The following USP6 variants were observed in gnomAD, a reference collection of about 807,000 sequenced individuals.
USP6 encodes the protein ubiquitin carboxyl-terminal hydrolase 6.
In USP6, 128 loss-of-function variants were observed where a neutral mutation model predicts 175.7. That is an observed-to-expected ratio of 0.73 (90% CI 0.63 to 0.84). The LOEUF (loss-of-function observed/expected upper bound fraction) is 0.84. USP6 is among the 40% of genes least tolerant of loss of function. The pLI is 0.00. For synonymous variants in USP6, 562 were observed against 630.6 expected (o/e 0.89, Z 1.63); for missense variants, 1,498 against 1,760.3 (o/e 0.85, Z 2.67).
At position 5,116,759 on chromosome 17, in the gene USP6, T is replaced by A. The variant is rs1264398169; in HGVS notation, c.-1928+19T>A. 6.6e-6 allele frequency: 1 copy of A among 152,258 alleles called. No individual in the cohort carries two copies. Among genetic ancestry groups the A allele is most frequent in the Non-Finnish European group, 1.5e-5 (1 of 68,058 alleles). 9.4% of individuals were successfully genotyped at this position (152,258 alleles called of 1,614,324 possible). A position where few individuals can be genotyped will look rare whatever the true frequency, so the allele number is the denominator to read the frequency against. On this transcript the variant is annotated intron_variant, in intron 1 of 37. Coordinates refer to ENST00000574788, the MANE Select transcript of USP6 (RefSeq NM_001304284.2). ...ACTAGTTGTGAGTCTTTGGGCAAAT[T>A]TGCCTTTCTAGAGCGTAGTTTCTTA...
chr17:5,162,313 AG>A (rs2074019987), intron 32 of USP6, among the ~76,000 whole-genome samples: 1 of 151,890 alleles, frequency 6.6e-6, no homozygotes, highest in Non-Finnish European at 1.5e-5. Flanking sequence ...CACTGTACCC[AG>A]CTAATTTCTG....
Position 5,161,479 on chromosome 17 carries a change from C to T in USP6, c.2829-49C>T, listed in dbSNP as rs775842873. 1.2e-5 allele frequency: 19 copies of T among 1,596,492 alleles called. No homozygotes were observed. In the African/African-American group the frequency reaches 1.3e-4, roughly 11 times the overall value. The stretch of plus-strand genomic sequence containing the variant: ...AAGAGAAGATGAAAAGGAGTTGGAC[C>T]TCGAACCAGAAATGCTTCTTACACT... On this transcript the variant is annotated intron_variant, in intron 31 of 37. Transcript: ENST00000574788.
At chr17:5,131,006 A>G (rs1272566354) in intron 11 of USP6, among the ~76,000 whole-genome samples, 1 of 152,204 alleles carries the variant, frequency 6.6e-6, no homozygotes, top group Non-Finnish European at 1.5e-5. Flanking sequence ...CTACCAGGAG[A>G]CAACCCCAGT....
chr17:5,168,383 G>A (rs2074140254), intron 34 of USP6, among the ~76,000 whole-genome samples: 2 of 152,226 alleles, frequency 1.3e-5, no homozygotes, highest in East Asian at 3.8e-4. Context: ...AGTGCGATGT[G>A]AGAACTGCCA....
chr17:5,120,007 G>T (rs1279816969), intron 2 of USP6, among the ~76,000 whole-genome samples: 1 of 152,032 alleles, frequency 6.6e-6, no homozygotes, highest in African/African-American at 2.4e-5. Flanking sequence ...TCAACCCAAG[G>T]ATAGAGATCC....
In USP6 at chr17:5,130,660, G is replaced by A. The variant is rs757415174; in HGVS notation, c.131G>A (p.Ser44Asn). Reference protein sequence around the residue: ...KGPEPVGINSSIDRFGILHET... With the variant: ...KGPEPVGINSNIDRFGILHET... Reference sequence around the variant, plus strand: ...CCTGAGCCCGTTGGAATCAACAGCAGCATTGATCGTTTTGGCATTTTGCAG... The same window carrying A: ...CCTGAGCCCGTTGGAATCAACAGCAACATTGATCGTTTTGGCATTTTGCAG... The change falls in exon 11 of 38, where the codon AGC becomes AAC. Residue 44 changes from serine (S) to asparagine (N), a missense_variant. Ser to Asn is a conservative substitution (Grantham distance 46). Transcript: ENST00000574788. 1 of 1,614,020 alleles carries A rather than the reference G, an allele frequency of 6.2e-7. No individual in the cohort carries two copies. The highest frequency in any genetic ancestry group is 1.1e-5 in the South Asian group (1 of 91,080).
At chr17:5,167,902 C>A in intron 33 of USP6, 30 bp from the exon 34 acceptor site, 1 of 1,591,784 alleles carries the variant, frequency 6.3e-7, no homozygotes, top group Non-Finnish European at 8.6e-7. Context: ...TTCCCACACA[C>A]CCCTTTCCTC....
At chr17:5,119,718 A>G (rs767811286) in intron 2 of USP6, among the ~76,000 whole-genome samples, 17 of 152,188 alleles carry the variant, frequency 1.1e-4, no homozygotes, top group Non-Finnish European at 2.4e-4. Context: ...TAATTATTAT[A>G]ATTAATTATA....
rs888135220 is a variant in USP6 at position 5,116,658 on chromosome 17, C to T, written c.-2010C>T. On this transcript the variant is annotated 5_prime_UTR_variant, in exon 1 of 38. Transcript: ENST00000574788. ...TACGTGAGGCCTGAACAGGAAGGAA[C>T]TGGGAGACCCAAGACTGTACCGCCA... 6.6e-6 allele frequency: 1 copy of T among 152,280 alleles called. No homozygotes were observed. The highest frequency in any genetic ancestry group is 2.4e-5 in the African/African-American group (1 of 41,462). 9.4% of individuals were successfully genotyped at this position (152,280 alleles called of 1,614,324 possible). A position where few individuals can be genotyped will look rare whatever the true frequency, so the allele number is the denominator to read the frequency against.
In USP6 at chr17:5,174,053, G is replaced by A; in HGVS notation, c.*1075G>A. The A allele has an allele frequency of 4.8e-6, 1 of 208,680 alleles. No individual in the cohort carries two copies. The allele number at this position is 208,680 out of a possible 1,614,324, so 12.9% of individuals were successfully genotyped here. ...TTCATAAGTATATTTAATGAAATTG[G>A]TGGTTTTAGGAAGTCAACTTTAGTT... On this transcript the variant is annotated 3_prime_UTR_variant, in exon 38 of 38. Coordinates refer to ENST00000574788, the MANE Select transcript of USP6 (RefSeq NM_001304284.2).
intron 4 of USP6, among the ~76,000 whole-genome samples, chr17:5,123,287 C>G (rs1026889603): frequency 2.0e-5 from 3 of 152,016 alleles, no homozygotes; most frequent in African/African-American, 7.2e-5. Context: ...GTCGCCTTTT[C>G]CCCGCACCGC....
In USP6 at chr17:5,170,822, T is replaced by C; in HGVS notation, c.3861T>C (p.Asn1287=). The C allele has an allele frequency of 1.2e-6, 2 of 1,613,374 alleles. No homozygotes were observed. Among genetic ancestry groups the C allele is most frequent in the Non-Finnish European group, 1.7e-6 (2 of 1,179,878 alleles). Reference sequence around the variant, plus strand: ...ATGGCTGTGGCGATGGCTACAGCAATGGTCAGCTTGGAAACCACAGTGAAG... The same window carrying C: ...ATGGCTGTGGCGATGGCTACAGCAACGGTCAGCTTGGAAACCACAGTGAAG... ...CGNGCGDGYS[N]GQLGNHSEED... The change falls in exon 36 of 38, where the codon AAT becomes AAC. Residue 1287 remains asparagine, a synonymous_variant. Transcript: ENST00000574788.
intron 31 of USP6, among the ~76,000 whole-genome samples, chr17:5,158,154 G>A (rs1598079251): frequency 6.6e-6 from 1 of 152,144 alleles, no homozygotes; most frequent in South Asian, 2.1e-4. Context: ...GAGACCAGAT[G>A]ATTAACATTT....
intron 21 of USP6, chr17:5,138,930 G>T: frequency 8.0e-7 from 1 of 1,256,800 alleles, no homozygotes; most frequent in Non-Finnish European, 1.1e-6. Context: ...TGACATCCAA[G>T]GCCCCTCCCA....
In USP6 at chr17:5,132,947, T is replaced by C; in HGVS notation, c.233T>C (p.Met78Thr). 1 of 1,613,908 alleles carries C rather than the reference T, an allele frequency of 6.2e-7. No individual in the cohort carries two copies. Among genetic ancestry groups the C allele is most frequent in the South Asian group, 1.1e-5 (1 of 91,052 alleles). The change falls in exon 13 of 38, where the codon ATG (methionine) becomes ACG (threonine). Residue 78 changes from methionine (M) to threonine (T), a missense_variant. This residue lies in a region of USP6 where 281 missense variants were observed against 259.6 expected (regional missense o/e 1.08). Transcript: ENST00000574788. The surrounding 1 kb of genome is among the most constrained non-coding windows in gnomAD (Gnocchi z 4.7). The part of the protein sequence containing the change: ...RREMTRTSKW[M>T]EMLGEWETYK... ...GAGATGACACGAACGAGCAAGTGGA[T>C]GGAAATGCTGGGAGAATGGGAGACA...
intron 15 of USP6, 108 bp from the exon 16 acceptor site, chr17:5,135,126 C>G (rs1418941967): frequency 7.8e-7 from 1 of 1,274,336 alleles, no homozygotes; most frequent in Non-Finnish European, 1.1e-6. Context: ...CACTGCTTAT[C>G]TGGTGAATCA....
At chr17:5,168,667 A>G (rs2074147168) in intron 34 of USP6, 100 bp from the exon 35 acceptor site, 2 of 1,425,342 alleles carry the variant, frequency 1.4e-6, no homozygotes, top group Non-Finnish European at 1.9e-6. Context: ...GTTCTGTTAT[A>G]TATTTCCAAA....
Position 5,170,594 on chromosome 17 carries a change from G to T in USP6, c.3633G>T (p.Gln1211His), listed in dbSNP as rs2144182125. ...GCAAAGGGAGGCTCCGGCTGCCCCA[G>T]ATTGGCAGCAAAAATAAGCCGTCAA... Reference protein sequence around the residue: ...GRSKGRLRLPQIGSKNKPSSS... With the variant: ...GRSKGRLRLPHIGSKNKPSSS... Residue 1211 changes from glutamine to histidine, a missense_variant, in exon 36 of 38, where the codon CAG becomes CAT. By Grantham distance (24) the Gln-to-His change is conservative. Transcript: ENST00000574788. 6.2e-7 allele frequency: 1 copy of T among 1,612,920 alleles called. No homozygotes were observed. The highest frequency in any genetic ancestry group is 8.5e-7 in the Non-Finnish European group (1 of 1,179,872).
At chr17:5,167,831 A>G in intron 33 of USP6, 101 bp from the exon 34 acceptor site, 1 of 1,372,624 alleles carries the variant, frequency 7.3e-7, no homozygotes, top group Non-Finnish European at 9.9e-7. Flanking sequence ...CCTTATAAAG[A>G]GTAAAATAAG....
Sources: gnomAD v4.1 joint callset for allele counts (sites outside exome capture counted in the v4.1 genomes callset) on GRCh38, gnomAD v4.1.1 for gene constraint, gnomAD v4.1.1 regional missense constraint, Gnocchi (gnomAD v3.1) non-coding constraint, MANE v1.5 for transcripts, NCBI Gene and HGNC (gene_info 2026-07-23, HGNC 2026-07-21) for gene names.